The following STK32B variants were observed in gnomAD, a reference collection of about 807,000 sequenced individuals.
STK32B encodes the protein serine/threonine kinase 32B.
A neutral mutation model predicts 52.6 loss-of-function variants in STK32B; 43 were observed. That is an observed-to-expected ratio of 0.82 (90% CI 0.64 to 1.05). STK32B has a LOEUF of 1.05. STK32B is among the 50% of genes least tolerant of loss of function. The pLI, the probability that STK32B is intolerant of heterozygous loss-of-function variation, is 0.00. For synonymous variants in STK32B, 238 were observed against 204.3 expected (o/e 1.17, Z -1.41); for missense variants, 621 against 534.6 (o/e 1.16, Z -1.59).
intron 11 of STK32B, among the ~76,000 whole-genome samples, chr4:5,487,782 C>T (rs975849768): frequency 1.3e-5 from 2 of 152,114 alleles, no homozygotes; most frequent in African/African-American, 4.8e-5. Flanking sequence ...TTAGGATAAG[C>T]TGTTTACAGT....
chr4:5,150,715 C>G (rs1379362953), intron 2 of STK32B, among the ~76,000 whole-genome samples: 1 of 151,904 alleles, frequency 6.6e-6, no homozygotes, highest in Admixed American at 6.6e-5. Flanking sequence ...TTGGAGTTCT[C>G]CTCTTGGATA....
intron 1 of STK32B, among the ~76,000 whole-genome samples, chr4:5,077,683 A>G (rs1300114182): frequency 2.6e-5 from 4 of 152,024 alleles, no homozygotes; most frequent in African/African-American, 9.7e-5. Context: ...GCTTTATATA[A>G]CAACTCCAGT....
At chr4:5,493,301 G>A (rs1233680509) in intron 11 of STK32B, among the ~76,000 whole-genome samples, 1 of 152,146 alleles carries the variant, frequency 6.6e-6, no homozygotes, top group Non-Finnish European at 1.5e-5. Flanking sequence ...TCCTGGTTTA[G>A]TCTTGGGAGG....
chr4:5,465,115 C>T (rs1408815362), intron 9 of STK32B, among the ~76,000 whole-genome samples: 1 of 152,142 alleles, frequency 6.6e-6, no homozygotes, highest in African/African-American at 2.4e-5. Context: ...GGATGAGGCC[C>T]AGCCTCTAGG....
At chr4:5,359,936 T>C (rs957956644) in intron 4 of STK32B, among the ~76,000 whole-genome samples, 10 of 152,316 alleles carry the variant, frequency 6.6e-5, no homozygotes, top group African/African-American at 2.4e-4. Flanking sequence ...TTTTCAGCAG[T>C]GAAGAAACAT....
intron 1 of STK32B, among the ~76,000 whole-genome samples, chr4:5,114,723 C>T (rs555606590): frequency 2.0e-5 from 3 of 152,152 alleles, no homozygotes; most frequent in Admixed American, 1.3e-4. Context: ...GAAAAGGAGA[C>T]GTTCATATCC....
the STK32B span, among the ~76,000 whole-genome samples, chr4:5,034,091 G>A: frequency 6.6e-6 from 1 of 152,200 alleles, no homozygotes; most frequent in Admixed American, 6.5e-5. Flanking sequence ...TGCCACATAC[G>A]TTTCCAGGCG....
chr4:5,025,112 G>A, the STK32B span, among the ~76,000 whole-genome samples: 2 of 147,818 alleles, frequency 1.4e-5, no homozygotes, highest in Admixed American at 6.6e-5. Context: ...AGTATGGGAG[G>A]GGGGAATCCT....
intron 1 of STK32B, among the ~76,000 whole-genome samples, chr4:5,126,125 A>G (rs1715350873): frequency 6.6e-6 from 1 of 152,150 alleles, no homozygotes. Flanking sequence ...TTGTCTTCTC[A>G]TACCACCCAG....
intron 3 of STK32B, among the ~76,000 whole-genome samples, chr4:5,312,632 C>G (rs1254249084): frequency 6.6e-6 from 1 of 151,958 alleles, no homozygotes; most frequent in Non-Finnish European, 1.5e-5. Context: ...TTTTTTATGG[C>G]TGCATAGTAT....
chr4:5,281,540 C>T (rs1032515236), intron 3 of STK32B, among the ~76,000 whole-genome samples: 5 of 152,040 alleles, frequency 3.3e-5, no homozygotes, highest in East Asian at 1.9e-4. Context: ...CAAACCACCA[C>T]GGCACATGTA....
Position 5,413,459 on chromosome 4 carries a change from TGTG to T in STK32B, c.473-3383_473-3381del, listed in dbSNP as rs770848255. ...CCTACATCTTTATGCTGTTTTTCCTTGTGGTCGCAAATAGCTTCTGCAGTTCTA... is the reference window on the plus strand; with the variant it reads ...CCTACATCTTTATGCTGTTTTTCCTTGTCGCAAATAGCTTCTGCAGTTCTA... On this transcript the variant is annotated intron_variant, in intron 5 of 11. Coordinates refer to ENST00000282908, the MANE Select transcript of STK32B (RefSeq NM_018401.3). Among the ~76,000 whole-genome samples the T allele has an allele frequency of 3.3e-5, 5 of 152,316 alleles. No homozygotes were observed. In the South Asian group the frequency reaches 8.3e-4, roughly 25 times the overall value.
At chr4:5,434,848 T>C (rs1577491543) in intron 6 of STK32B, among the ~76,000 whole-genome samples, 1 of 152,290 alleles carries the variant, frequency 6.6e-6, no homozygotes, top group Middle Eastern at 3.4e-3. Context: ...ACTCAATAAA[T>C]GGCCCCCCTA....
At chr4:5,423,763 C>G (rs907486430) in intron 6 of STK32B, among the ~76,000 whole-genome samples, 13 of 152,144 alleles carry the variant, frequency 8.5e-5, no homozygotes, top group Admixed American at 2.6e-4. Flanking sequence ...TTCCCTTCCC[C>G]CAGGACACTG....
At chr4:5,385,767 C>A (rs985959792) in intron 4 of STK32B, among the ~76,000 whole-genome samples, 2 of 152,090 alleles carry the variant, frequency 1.3e-5, no homozygotes, top group Admixed American at 1.3e-4. Context: ...TCCACCTCTC[C>A]TGGCCTATGG....
At chr4:5,163,577 TGTGTAA>T (rs1206801653) in intron 2 of STK32B, among the ~76,000 whole-genome samples, 4 of 118,314 alleles carry the variant, frequency 3.4e-5, no homozygotes, top group Non-Finnish European at 5.3e-5. Flanking sequence ...TGTGTGTGTG[TGTGTAA>T]GAGAGAGAGA....
At chr4:5,171,768 T>C in intron 3 of STK32B, among the ~76,000 whole-genome samples, 1 of 148,744 alleles carries the variant, frequency 6.7e-6, no homozygotes, top group Non-Finnish European at 1.5e-5. Context: ...TTCTTTTGGC[T>C]TAGGATTGAC....
At chr4:5,218,215 A>G (rs1160608907) in intron 3 of STK32B, among the ~76,000 whole-genome samples, 1 of 152,124 alleles carries the variant, frequency 6.6e-6, no homozygotes, top group Non-Finnish European at 1.5e-5. Context: ...AATTGATTCC[A>G]TTTCTTGATG....
intron 3 of STK32B, among the ~76,000 whole-genome samples, chr4:5,244,309 G>T (rs1351597839): frequency 6.6e-6 from 1 of 152,118 alleles, no homozygotes; most frequent in Non-Finnish European, 1.5e-5. Context: ...TCTTGGGAGG[G>T]TGTATGTGTT....
Sources: gnomAD v4.1 joint callset for allele counts (sites outside exome capture counted in the v4.1 genomes callset) on GRCh38, gnomAD v4.1.1 for gene constraint, MANE v1.5 for transcripts, NCBI Gene and HGNC (gene_info 2026-07-23, HGNC 2026-07-21) for gene names.